The following CDH17 variants were observed in gnomAD, a reference collection of about 807,000 sequenced individuals.
The protein encoded by CDH17 is cadherin-17.
Under a neutral mutation model 86.3 loss-of-function variants are expected in CDH17, and 67 were observed. The observed-to-expected ratio is 0.78, with a 90% CI of 0.64 to 0.95. The LOEUF (loss-of-function observed/expected upper bound fraction) is 0.95. Among genes scored for constraint, CDH17 ranks in the 40% least tolerant of loss-of-function variants. CDH17 has a pLI of 0.00. For missense variants in CDH17, 993 were observed against 1,017.6 expected, an observed-to-expected ratio of 0.98 and a Z score of 0.33; for synonymous variants, 367 against 366.4, an observed-to-expected ratio of 1.00 and a Z score of -0.02.
chr8:94,191,515 G>C (rs1813689917), intron 2 of CDH17, among the ~76,000 whole-genome samples: 1 of 145,412 alleles, frequency 6.9e-6, no homozygotes, highest in Admixed American at 7.1e-5. Flanking sequence ...GCAGTGGCAC[G>C]ATCTTGGCTC....
chr8:94,203,879 A>G (rs1368755303), intron 1 of CDH17, among the ~76,000 whole-genome samples: 2 of 152,186 alleles, frequency 1.3e-5, no homozygotes, highest in East Asian at 1.9e-4. Flanking sequence ...ATACATAAAC[A>G]TAAGCCCAGC....
chr8:94,175,466 T>C (rs1348028378), intron 5 of CDH17, among the ~76,000 whole-genome samples: 1 of 152,164 alleles, frequency 6.6e-6, no homozygotes, highest in Admixed American at 6.5e-5. Context: ...GGTGGGATGA[T>C]GCAAATGGCC....
intron 10 of CDH17, among the ~76,000 whole-genome samples, chr8:94,163,137 A>G (rs1471528146): frequency 6.6e-6 from 1 of 152,226 alleles, no homozygotes; most frequent in Non-Finnish European, 1.5e-5. Flanking sequence ...TTACTCATTC[A>G]TCTTCATGAT....
At position 94,171,019 on chromosome 8, in the gene CDH17, G is replaced by A. The variant is rs530180080; in HGVS notation, c.784-34C>T. The A allele has an allele frequency of 1.1e-5, 17 of 1,588,376 alleles. No homozygotes were observed. The Admixed American group carries it at 1.2e-4, about 12-fold the overall frequency. ...CCCAAAGTCAGTTGTGAGGAAAGCT[G>A]TATTTGGACTGAGAGAACTGGAAAG... is the stretch of plus-strand genomic sequence containing the variant. On this transcript the variant is annotated intron_variant, in intron 7 of 17. Coordinates refer to ENST00000027335, the MANE Select transcript of CDH17 (RefSeq NM_004063.4).
intron 3 of CDH17, among the ~76,000 whole-genome samples, chr8:94,181,793 G>T (rs1475340009): frequency 1.3e-5 from 2 of 151,438 alleles, no homozygotes; most frequent in African/African-American, 4.8e-5. Flanking sequence ...AGATCAGAGT[G>T]GAAATTAATG....
At chr8:94,132,529 T>A (rs1319159751) in intron 15 of CDH17, among the ~76,000 whole-genome samples, 1 of 152,200 alleles carries the variant, frequency 6.6e-6, no homozygotes, top group Non-Finnish European at 1.5e-5. Flanking sequence ...TTTTTTCTTG[T>A]AAATTTGTTT....
intron 3 of CDH17, among the ~76,000 whole-genome samples, chr8:94,177,979 G>A (rs1281713210): frequency 6.6e-6 from 1 of 152,070 alleles, no homozygotes; most frequent in East Asian, 1.9e-4. Flanking sequence ...TTATAGCTGG[G>A]GTTAAAAGAG....
At chr8:94,189,574 G>C (rs1362101972) in intron 2 of CDH17, among the ~76,000 whole-genome samples, 1 of 152,170 alleles carries the variant, frequency 6.6e-6, no homozygotes, top group Non-Finnish European at 1.5e-5. Context: ...AGCTTAAAAA[G>C]GTTAACACAG....
rs557399856 is a variant in CDH17, at chr8:94,128,071, C to A, written c.*169G>T. 79 of 570,388 alleles carry A rather than the reference C, an allele frequency of 1.4e-4. 1 individual carries two copies. The highest frequency in any genetic ancestry group is 1.4e-3 in the South Asian group (67 of 48,462). 35.3% of individuals were successfully genotyped at this position (570,388 alleles called of 1,614,324 possible). A position where few individuals can be genotyped will look rare whatever the true frequency, so the allele number is the denominator to read the frequency against. On this transcript the variant is annotated 3_prime_UTR_variant, in exon 18 of 18. Coordinates refer to ENST00000027335, the MANE Select transcript of CDH17 (RefSeq NM_004063.4). ...TCACACCACTGTACTCCAGCCTGGG[C>A]GACAGAGCAAGACTCCACCTCAAAA...
At chr8:94,158,074 C>T (rs1812979766) in intron 12 of CDH17, among the ~76,000 whole-genome samples, 1 of 152,130 alleles carries the variant, frequency 6.6e-6, no homozygotes, top group Admixed American at 6.5e-5. Flanking sequence ...ACAGTTATCA[C>T]AGTGCCCAAG....
chr8:94,177,450 G>T, intron 4 of CDH17, 137 bp downstream of exon 4: 2 of 863,088 alleles, frequency 2.3e-6, no homozygotes, highest in Non-Finnish European at 1.8e-6. Flanking sequence ...GACATGTGAG[G>T]ATTGCAAAGC....
chr8:94,201,619 G>C (rs926815990), intron 1 of CDH17, among the ~76,000 whole-genome samples: 1 of 152,200 alleles, frequency 6.6e-6, no homozygotes, highest in Non-Finnish European at 1.5e-5. Context: ...CTGGTCACCA[G>C]AACTGAGATG....
In CDH17 at chr8:94,155,239, T is replaced by G. The variant is rs1812924762; in HGVS notation, c.1552-3127A>C. Reference sequence around the variant, plus strand: ...ACACGTCACGTGGTCCACGGTTCAATTAGGGCTTCTCCCCCTGAAGTAGAG... The same window carrying G: ...ACACGTCACGTGGTCCACGGTTCAAGTAGGGCTTCTCCCCCTGAAGTAGAG... On this transcript the variant is annotated intron_variant, in intron 12 of 17. Transcript: ENST00000027335. 1.3e-5 allele frequency among the ~76,000 whole-genome samples: 2 copies of G among 151,864 alleles called. 1 individual carries two copies. The highest frequency in any genetic ancestry group is 4.2e-4 in the South Asian group (2 of 4,798).
chr8:94,179,867 T>C (rs1416768241), intron 3 of CDH17, among the ~76,000 whole-genome samples: 3 of 152,172 alleles, frequency 2.0e-5, no homozygotes, highest in African/African-American at 4.8e-5. Flanking sequence ...AGATATATGA[T>C]TTCTAGAGTT....
intron 3 of CDH17, among the ~76,000 whole-genome samples, chr8:94,178,303 C>A (rs998020072): frequency 6.6e-6 from 1 of 151,878 alleles, no homozygotes; most frequent in African/African-American, 2.4e-5. Context: ...AGCTGTTCAA[C>A]CTTAAGTTTT....
At chr8:94,139,454 C>T (rs1351304270) in intron 15 of CDH17, among the ~76,000 whole-genome samples, 1 of 152,120 alleles carries the variant, frequency 6.6e-6, no homozygotes, top group Non-Finnish European at 1.5e-5. Flanking sequence ...TCCAAATCCT[C>T]AGATCCAAGA....
rs561521319 is a variant in CDH17, at chr8:94,176,938, T to C, written c.286-259A>G. ...ATCTGTTCTGGATGGCTGAAGTCCATGAAACAAGAGCACTGTGACCCCTGA... is the reference window on the plus strand; with the variant it reads ...ATCTGTTCTGGATGGCTGAAGTCCACGAAACAAGAGCACTGTGACCCCTGA... On this transcript the variant is annotated intron_variant, in intron 4 of 17. Coordinates refer to ENST00000027335, the MANE Select transcript of CDH17 (RefSeq NM_004063.4). 3.9e-5 allele frequency among the ~76,000 whole-genome samples: 6 copies of C among 152,292 alleles called. No homozygotes were observed. In the East Asian group the frequency reaches 9.6e-4, roughly 24 times the overall value.
At chr8:94,149,778 T>C (rs2130600158) in intron 13 of CDH17, among the ~76,000 whole-genome samples, 1 of 152,314 alleles carries the variant, frequency 6.6e-6, no homozygotes, top group Middle Eastern at 3.4e-3. Context: ...GACCTGGCCA[T>C]ATTTGTGCTT....
rs554961823 is a variant in CDH17, at chr8:94,159,532, G to A, written c.1551+439C>T. 8.5e-5 allele frequency among the ~76,000 whole-genome samples: 13 copies of A among 152,266 alleles called. No individual in the cohort carries two copies. In the East Asian group the frequency reaches 2.5e-3, roughly 29 times the overall value. On this transcript the variant is annotated intron_variant, in intron 12 of 17. Transcript: ENST00000027335. ...CACATTTGCAAAGGGGGAAGTGAAA[G>A]CGAGACCCTGAGTGCCACTCCCAGA...
Sources: gnomAD v4.1 joint callset for allele counts (sites outside exome capture counted in the v4.1 genomes callset) on GRCh38, gnomAD v4.1.1 for gene constraint, MANE v1.5 for transcripts, NCBI Gene and HGNC (gene_info 2026-07-23, HGNC 2026-07-21) for gene names.